RGPD2: variants seen among roughly 807,000 people sequenced by gnomAD.
RGPD2 encodes RANBP2-like and GRIP domain-containing protein 2.
In RGPD2, 2 loss-of-function variants were observed where a neutral mutation model predicts 36.0. The observed-to-expected ratio is 0.06, with a 90% confidence interval of 0.02 to 0.17. RGPD2 has a LOEUF of 0.17. Ranked by LOEUF, RGPD2 falls within the 10% of genes least tolerant of loss-of-function variation. The probability of loss-of-function intolerance (pLI) is 1.00; values close to 1 mark genes in which losing one functional copy is unlikely to be tolerated. For missense variants in RGPD2, 40 were observed against 464.3 expected, an observed-to-expected ratio of 0.09 and a Z score of 8.40; for synonymous variants, 19 against 163.8, an observed-to-expected ratio of 0.12 and a Z score of 6.75.
At chr2:87,894,681 A>G in the RGPD2 span, among the ~76,000 whole-genome samples, 1 of 150,938 alleles carries the variant, frequency 6.6e-6, no homozygotes, top group Non-Finnish European at 1.5e-5. Context: ...TTTAATAATT[A>G]TGCAAGCTTT....
chr2:87,977,808 G>A, the RGPD2 span, among the ~76,000 whole-genome samples: 1 of 152,098 alleles, frequency 6.6e-6, no homozygotes, highest in East Asian at 1.9e-4. Context: ...CTTAATTTTT[G>A]AAAATGTTAT....
chr2:87,929,879 GTA>G, the RGPD2 span, among the ~76,000 whole-genome samples: 1 of 46,544 alleles, frequency 2.1e-5, no homozygotes, highest in East Asian at 4.8e-4. Context: ...ACTGTTGTTA[GTA>G]TACAGGAATG....
At chr2:87,861,235 A>G in the RGPD2 span, among the ~76,000 whole-genome samples, 1 of 150,480 alleles carries the variant, frequency 6.6e-6, no homozygotes, top group Non-Finnish European at 1.5e-5. Context: ...TAGAATTGAC[A>G]TTTTCAATTT....
At chr2:87,986,437 A>G in the RGPD2 span, among the ~76,000 whole-genome samples, 2 of 151,778 alleles carry the variant, frequency 1.3e-5, no homozygotes, top group Non-Finnish European at 2.9e-5. Context: ...CCAGCCAAGG[A>G]CAGCTTTTTG....
chr2:87,983,238 C>G, the RGPD2 span, among the ~76,000 whole-genome samples: 1 of 152,042 alleles, frequency 6.6e-6, no homozygotes, highest in Non-Finnish European at 1.5e-5. Flanking sequence ...AAGAATCGCT[C>G]CAACTTAGGA....
At chr2:87,844,380 C>T in the RGPD2 span, among the ~76,000 whole-genome samples, 6 of 151,086 alleles carry the variant, frequency 4.0e-5, no homozygotes, top group East Asian at 3.9e-4. Flanking sequence ...TTTAAAAGTA[C>T]CTTTTCTTAT....
chr2:87,978,960 C>T, the RGPD2 span, among the ~76,000 whole-genome samples: 3 of 150,588 alleles, frequency 2.0e-5, no homozygotes, highest in Admixed American at 6.6e-5. Context: ...ACGGGCCGGG[C>T]ATGGTGGCTC....
chr2:87,919,787 TA>T, the RGPD2 span, among the ~76,000 whole-genome samples: 1 of 150,012 alleles, frequency 6.7e-6, no homozygotes, highest in African/African-American at 2.5e-5. Flanking sequence ...GATACTATAC[TA>T]AGCACTTTAC....
At chr2:87,967,389 A>G in the RGPD2 span, among the ~76,000 whole-genome samples, 4 of 150,042 alleles carry the variant, frequency 2.7e-5, no homozygotes, top group African/African-American at 1.0e-4. Context: ...AGCCTGGGTG[A>G]CAGAACGAGA....
the RGPD2 span, among the ~76,000 whole-genome samples, chr2:87,831,244 C>T: frequency 1.3e-5 from 2 of 151,392 alleles, no homozygotes; most frequent in African/African-American, 4.9e-5. Context: ...GAAAAGATAT[C>T]AATGGAAAAT....
the RGPD2 span, among the ~76,000 whole-genome samples, chr2:87,836,825 G>T: frequency 6.6e-6 from 1 of 152,024 alleles, no homozygotes; most frequent in Non-Finnish European, 1.5e-5. Flanking sequence ...ACTGTATACT[G>T]CCTTCAAAAT....
At position 87,756,565 on chromosome 2, in the gene RGPD2, T is replaced by C. The variant is rs1684728965; in HGVS notation, c.*827A>G. On this transcript the variant is annotated 3_prime_UTR_variant, in exon 23 of 23. Transcript: ENST00000398146. The stretch of plus-strand genomic sequence containing the variant: ...ATGATGGCCAAGCCTCTGGCTGCAC[T>C]GTGCCCCGTGTGTCCCCAGCATCCT... 1 of 353,848 alleles carries C rather than the reference T, an allele frequency of 2.8e-6. No homozygotes were observed. 21.9% of individuals were successfully genotyped at this position (353,848 alleles called of 1,614,324 possible).
chr2:87,836,895 T>C, the RGPD2 span, among the ~76,000 whole-genome samples: 2 of 151,974 alleles, frequency 1.3e-5, no homozygotes, highest in East Asian at 1.9e-4. Context: ...TAATAACTTA[T>C]CATCAAACAG....
chr2:87,923,527 A>G, the RGPD2 span, among the ~76,000 whole-genome samples: 4 of 152,164 alleles, frequency 2.6e-5, no homozygotes, highest in African/African-American at 9.7e-5. Context: ...ACAAAGACTC[A>G]CCGTATGGTA....
At chr2:87,827,586 T>C (rs1416956784), upstream of RGPD2, among the ~76,000 whole-genome samples, 1 of 112,960 alleles carries the variant, frequency 8.9e-6, no homozygotes, top group Non-Finnish European at 1.8e-5. Context: ...CCTGGCTTCA[T>C]ATATTTCCTT....
the RGPD2 span, among the ~76,000 whole-genome samples, chr2:87,922,165 C>T: frequency 1.0e-3 from 151 of 151,216 alleles, no homozygotes; most frequent in Non-Finnish European, 1.9e-3. Flanking sequence ...TGGTGGCGTG[C>T]ACCTGTAGTC....
At chr2:87,875,864 G>A in the RGPD2 span, among the ~76,000 whole-genome samples, 1 of 152,144 alleles carries the variant, frequency 6.6e-6, no homozygotes. Flanking sequence ...TGCCTTGGTA[G>A]GCTATTTATT....
At chr2:87,834,319 T>C in the RGPD2 span, among the ~76,000 whole-genome samples, 1 of 152,040 alleles carries the variant, frequency 6.6e-6, no homozygotes, top group Admixed American at 6.6e-5. Context: ...GTGCACACCA[T>C]TTGAAGTCAA....
the RGPD2 span, among the ~76,000 whole-genome samples, chr2:87,917,223 T>TTA: frequency 4.1e-5 from 6 of 147,892 alleles, no homozygotes; most frequent in African/African-American, 7.5e-5. Context: ...AGAAAAAAAA[T>TTA]TATATATATA....
Sources: allele counts gnomAD v4.1 joint callset (sites outside exome capture counted in the v4.1 genomes callset), GRCh38; gene constraint gnomAD v4.1.1; transcripts MANE v1.5; gene names NCBI Gene and HGNC (gene_info 2026-07-23, HGNC 2026-07-21).